The following PCDH9 variants were observed in gnomAD, a reference collection of about 807,000 sequenced individuals.
The protein encoded by PCDH9 is protocadherin 9.
A neutral mutation model predicts 70.6 loss-of-function variants in PCDH9; 24 were observed. The ratio of observed to expected loss-of-function variants is 0.34; its 90% CI spans 0.25 to 0.48. PCDH9 has a LOEUF of 0.48. Ranked by LOEUF, PCDH9 falls within the 20% of genes least tolerant of loss-of-function variation. PCDH9 has a pLI of 0.99. For missense variants in PCDH9, 1,281 were observed against 1,503.6 expected, an observed-to-expected ratio of 0.85 and a Z score of 2.45; for synonymous variants, 562 against 558.5, an observed-to-expected ratio of 1.01 and a Z score of -0.09.
chr13:66,468,186 C>T (rs1394040235), intron 4 of PCDH9, among the ~76,000 whole-genome samples: 1 of 152,060 alleles, frequency 6.6e-6, no homozygotes, highest in Non-Finnish European at 1.5e-5. Context: ...CAGGAAATAC[C>T]ACCACCATGG....
At chr13:66,577,997 A>G (rs1225243512) in intron 4 of PCDH9, among the ~76,000 whole-genome samples, 3 of 152,120 alleles carry the variant, frequency 2.0e-5, no homozygotes, top group African/African-American at 7.2e-5. Flanking sequence ...GCTTGAAATC[A>G]AAATTAATAT....
chr13:66,446,583 G>A (rs1485020031), intron 4 of PCDH9, among the ~76,000 whole-genome samples: 2 of 152,022 alleles, frequency 1.3e-5, no homozygotes, highest in East Asian at 3.9e-4. Flanking sequence ...TCTCTGTGCT[G>A]TGGATTAAAA....
intron 2 of PCDH9, among the ~76,000 whole-genome samples, chr13:66,956,208 GA>G (rs1447492504): frequency 2.0e-5 from 3 of 152,196 alleles, no homozygotes; most frequent in Admixed American, 6.5e-5. Context: ...GTCATCTGCT[GA>G]TGACTAAAAA....
chr13:67,097,196 T>C (rs988758989), intron 2 of PCDH9, among the ~76,000 whole-genome samples: 2 of 151,978 alleles, frequency 1.3e-5, no homozygotes, highest in East Asian at 1.9e-4. Context: ...GTTGAGACTA[T>C]AGTGAGCCAT....
chr13:66,736,919 CTTCT>C (rs2079158286), intron 3 of PCDH9, among the ~76,000 whole-genome samples: 1 of 152,146 alleles, frequency 6.6e-6, no homozygotes, highest in African/African-American at 2.4e-5. Context: ...TAACTGCCAC[CTTCT>C]TTATCAGGCA....
intron 2 of PCDH9, among the ~76,000 whole-genome samples, chr13:67,156,293 A>T (rs528885413): frequency 6.6e-6 from 1 of 152,238 alleles, no homozygotes; most frequent in South Asian, 2.1e-4. Context: ...TCAGCAGAAG[A>T]AGATAGAGGC....
chr13:66,976,210 C>G (rs755834574), intron 2 of PCDH9, among the ~76,000 whole-genome samples: 7 of 151,996 alleles, frequency 4.6e-5, no homozygotes, highest in Non-Finnish European at 8.8e-5. Context: ...TGGCAAACTA[C>G]TTTTCAGTTG....
intron 3 of PCDH9, among the ~76,000 whole-genome samples, chr13:66,879,314 G>A (rs2081880053): frequency 6.6e-6 from 1 of 152,060 alleles, no homozygotes; most frequent in East Asian, 1.9e-4. Context: ...CAAATCTTAA[G>A]CTAATTTTAC....
At chr13:66,611,840 A>G (rs1566454923) in intron 4 of PCDH9, among the ~76,000 whole-genome samples, 2 of 152,194 alleles carry the variant, frequency 1.3e-5, no homozygotes, top group East Asian at 3.9e-4. Context: ...ACCTAGAACT[A>G]TTCTAAGTGG....
At chr13:66,817,995 C>G (rs1458683469) in intron 3 of PCDH9, among the ~76,000 whole-genome samples, 1 of 152,132 alleles carries the variant, frequency 6.6e-6, no homozygotes, top group Non-Finnish European at 1.5e-5. Flanking sequence ...AAAGAACTAT[C>G]ACACTAGGGG....
At chr13:66,824,410 C>CT (rs1245348018) in intron 3 of PCDH9, among the ~76,000 whole-genome samples, 1 of 147,798 alleles carries the variant, frequency 6.8e-6, no homozygotes, top group Non-Finnish European at 1.5e-5. Context: ...AATCCCAGCA[C>CT]TTTGGGAGGC....
intron 2 of PCDH9, among the ~76,000 whole-genome samples, chr13:67,024,917 T>C (rs2084750014): frequency 6.6e-6 from 1 of 152,186 alleles, no homozygotes; most frequent in South Asian, 2.1e-4. Flanking sequence ...AACTAAGTCT[T>C]CATTGTTTTA....
intron 4 of PCDH9, among the ~76,000 whole-genome samples, chr13:66,490,521 A>G (rs1959017371): frequency 6.6e-6 from 1 of 151,742 alleles, no homozygotes; most frequent in Non-Finnish European, 1.5e-5. Flanking sequence ...ATTCAGCACA[A>G]GGTTTATTTA....
At chr13:66,416,454 A>G (rs1473337316) in intron 4 of PCDH9, among the ~76,000 whole-genome samples, 2 of 152,166 alleles carry the variant, frequency 1.3e-5, no homozygotes, top group Non-Finnish European at 2.9e-5. Context: ...ATTACACCCA[A>G]TGTCTTCCAG....
At chr13:67,126,844 A>G (rs1176913990) in intron 2 of PCDH9, among the ~76,000 whole-genome samples, 1 of 152,190 alleles carries the variant, frequency 6.6e-6, no homozygotes, top group Non-Finnish European at 1.5e-5. Flanking sequence ...GTGAGACTCC[A>G]TCTCAAAATA....
At chr13:66,691,317 C>T (rs1348065276) in intron 3 of PCDH9, among the ~76,000 whole-genome samples, 2 of 152,148 alleles carry the variant, frequency 1.3e-5, no homozygotes, top group Non-Finnish European at 2.9e-5. Flanking sequence ...AAATTACAGT[C>T]ATGAGCCACC....
At chr13:67,175,111 G>A (rs372579664) in intron 2 of PCDH9, among the ~76,000 whole-genome samples, 15 of 152,118 alleles carry the variant, frequency 9.9e-5, no homozygotes, top group African/African-American at 3.4e-4. Context: ...ACTCCAGCCT[G>A]GGTGACAGAA....
chr13:66,391,356 C>A (rs1368102236), intron 4 of PCDH9, among the ~76,000 whole-genome samples: 1 of 152,098 alleles, frequency 6.6e-6, no homozygotes, highest in Non-Finnish European at 1.5e-5. Context: ...ATGAAAGTTG[C>A]ATAATGTAAC....
chr13:66,915,342 GT>G (rs1045689460), intron 2 of PCDH9, among the ~76,000 whole-genome samples: 1 of 151,512 alleles, frequency 6.6e-6, no homozygotes, highest in Admixed American at 6.6e-5. Flanking sequence ...TTTTATAGAA[GT>G]TTTTTATTCA....
Sources: allele counts gnomAD v4.1 joint callset (sites outside exome capture counted in the v4.1 genomes callset), GRCh38; gene constraint gnomAD v4.1.1; transcripts MANE v1.5; gene names NCBI Gene and HGNC (gene_info 2026-07-23, HGNC 2026-07-21).